The following RBM10 variants were observed in gnomAD, a reference collection of about 807,000 sequenced individuals.
The protein encoded by RBM10 is RNA-binding protein 10.
Under a neutral mutation model 84.9 loss-of-function variants are expected in RBM10, and 1 was observed. The observed-to-expected ratio is 0.01, with a 90% CI of 0.00 to 0.06. The LOEUF (loss-of-function observed/expected upper bound fraction) is 0.06, where lower values mean the gene tolerates loss of function less well. Ranked by LOEUF, RBM10 falls within the 10% of genes least tolerant of loss-of-function variation. The pLI is 1.00. For synonymous variants in RBM10, 326 were observed against 344.5 expected, an observed-to-expected ratio of 0.95 and a Z score of 0.60; for missense variants, 438 against 839.0, an observed-to-expected ratio of 0.52 and a Z score of 5.90.
intron 2 of RBM10, among the ~76,000 whole-genome samples, chrX:47,159,404 G>T (rs1171889151): frequency 1.1e-5 from 1 of 87,161 alleles, no homozygotes; most frequent in Non-Finnish European, 2.1e-5. Context: ...GCGAAACTCC[G>T]TCTCAAAAAA....
At chrX:47,165,041 AC>A (rs1556768337) in intron 2 of RBM10, among the ~76,000 whole-genome samples, 2 of 112,086 alleles carry the variant, frequency 1.8e-5, no homozygotes, top group African/African-American at 6.5e-5. Context: ...ATATGATTCC[AC>A]TACTATGAAG....
In RBM10 at chrX:47,147,503, G is replaced by GTTA. The variant is rs782804918; in HGVS notation, c.17+7_17+9dup. The GTTA allele has an allele frequency of 3.3e-6, 4 of 1,209,710 alleles. No homozygotes were observed. Among genetic ancestry groups the GTTA allele is most frequent in the Non-Finnish European group, 4.5e-6 (4 of 894,827 alleles). On this transcript the variant is annotated splice_donor_region_variant and intron_variant, in intron 2 of 23. Coordinates refer to ENST00000377604, the MANE Select transcript of RBM10 (RefSeq NM_005676.5). ...GGACATGGAGTATGAAAGACGGTGAGTTATCTGTTCTCAGCTTCCCAGACA... is the reference window on the plus strand; with the variant it reads ...GGACATGGAGTATGAAAGACGGTGAGTTATTATCTGTTCTCAGCTTCCCAGACA...
intron 2 of RBM10, among the ~76,000 whole-genome samples, chrX:47,153,097 C>T (rs1317883301): frequency 9.0e-6 from 1 of 111,558 alleles, no homozygotes; most frequent in African/African-American, 3.3e-5. Context: ...CCGCCCATCT[C>T]GGCCTCCCAA....
chrX:47,176,996 TG>T (rs1424779196), intron 7 of RBM10, among the ~76,000 whole-genome samples: 1 of 111,517 alleles, frequency 9.0e-6, no homozygotes, highest in Admixed American at 9.6e-5. Context: ...AGATCGGCCT[TG>T]ATTTTGGCCA....
At position 47,180,321 on chromosome X, in the gene RBM10, A is replaced by C. The variant is rs2147178075; in HGVS notation, c.1160+12A>C. 8.5e-7 allele frequency: 1 copy of C among 1,181,082 alleles called. No individual in the cohort carries two copies. The highest frequency in any genetic ancestry group is 1.1e-6 in the Non-Finnish European group (1 of 878,963). On this transcript the variant is annotated intron_variant, in intron 11 of 23. Coordinates refer to ENST00000377604, the MANE Select transcript of RBM10 (RefSeq NM_005676.5). ...AAGGGTTCTAAGAGGTCAGGGCCCC[A>C]CCTGTGTGCCTTCCCACCCTTCCCC...
chrX:47,159,343 G>A (rs1054012804), intron 2 of RBM10, among the ~76,000 whole-genome samples: 19 of 108,110 alleles, frequency 1.8e-4, no homozygotes, highest in Non-Finnish European at 3.1e-4. Flanking sequence ...AGGAGGTGGA[G>A]GTTGCGGTGA....
chrX:47,160,568 G>A (rs1164614633), intron 2 of RBM10, among the ~76,000 whole-genome samples: 1 of 107,645 alleles, frequency 9.3e-6, no homozygotes, highest in African/African-American at 3.4e-5. Context: ...ATGCCAGTCA[G>A]ATGGCAATTA....
At chrX:47,150,155 A>G (rs1932709010) in intron 2 of RBM10, among the ~76,000 whole-genome samples, 1 of 107,442 alleles carries the variant, frequency 9.3e-6, no homozygotes, top group Non-Finnish European at 1.9e-5. Flanking sequence ...CTGTTAATGT[A>G]TAGTGTTTTT....
rs782142154 is a variant in RBM10 at position 47,181,943 on chromosome X, C to A, written c.1694-8C>A. On this transcript the variant is annotated splice_region_variant and splice_polypyrimidine_tract_variant and intron_variant, in intron 15 of 23. Coordinates refer to ENST00000377604, the MANE Select transcript of RBM10 (RefSeq NM_005676.5). ...GAATAGTGTGACCCCGTTCCCCTCA[C>A]CCCCTAGCTGTTCCCGACGTCTCTA... The A allele has an allele frequency of 8.1e-5, 98 of 1,209,012 alleles. 1 individual carries two copies. In the Admixed American group the frequency reaches 2.0e-3, roughly 25 times the overall value.
chrX:47,161,533 T>A (rs868943596), intron 2 of RBM10, among the ~76,000 whole-genome samples: 8 of 36,670 alleles, frequency 2.2e-4, no homozygotes, highest in Non-Finnish European at 4.4e-4. Context: ...TTTTTTTTTT[T>A]AGTGAGAGAG....
chrX:47,163,604 G>A (rs1933899820), intron 2 of RBM10, among the ~76,000 whole-genome samples: 2 of 111,547 alleles, frequency 1.8e-5, no homozygotes, highest in South Asian at 7.4e-4. Flanking sequence ...ACAGGTGTGA[G>A]CCCACCACGC....
intron 2 of RBM10, among the ~76,000 whole-genome samples, chrX:47,155,661 T>G (rs1556764984): frequency 1.2e-5 from 1 of 86,756 alleles, no homozygotes; most frequent in African/African-American, 4.5e-5. Flanking sequence ...TGAACCCGGG[T>G]GGCGGAGCTT....
At chrX:47,168,441 A>G (rs1934389612) in intron 2 of RBM10, among the ~76,000 whole-genome samples, 2 of 110,947 alleles carry the variant, frequency 1.8e-5, no homozygotes, top group South Asian at 7.6e-4. Flanking sequence ...CCAACTACTC[A>G]GGAGGCTGAG....
chrX:47,163,901 C>G (rs1349392624), intron 2 of RBM10, among the ~76,000 whole-genome samples: 8 of 78,246 alleles, frequency 1.0e-4, no homozygotes, highest in African/African-American at 4.4e-4. Context: ...CGGAGTCTCA[C>G]TCTGTCGCCC....
intron 18 of RBM10, 42 bp downstream of exon 18, chrX:47,185,246 G>A (rs782582220): frequency 1.7e-6 from 2 of 1,212,034 alleles, no homozygotes; most frequent in Non-Finnish European, 2.2e-6. Context: ...CCACAATCTT[G>A]TCCTTCCTTT....
intron 2 of RBM10, chrX:47,156,596 C>T (rs782052832): frequency 2.0e-4 from 26 of 127,776 alleles, no homozygotes; most frequent in Non-Finnish European, 3.7e-4. Context: ...GCTAGCCCAG[C>T]GGGTATTCCC....
chrX:47,176,983 C>G (rs73630261), intron 7 of RBM10, among the ~76,000 whole-genome samples: 3,567 of 111,335 alleles, frequency 0.032, 161 homozygotes, highest in African/African-American at 0.11. Context: ...ATGAGACTAT[C>G]CCAGATCGGC....
chrX:47,151,422 T>C (rs1932791405), intron 2 of RBM10, among the ~76,000 whole-genome samples: 2 of 112,226 alleles, frequency 1.8e-5, no homozygotes, highest in Admixed American at 9.6e-5. Context: ...TTTCTAATAC[T>C]TCATTGTTGA....
chrX:47,161,576 G>A (rs1355961228), intron 2 of RBM10, among the ~76,000 whole-genome samples: 2 of 85,645 alleles, frequency 2.3e-5, no homozygotes, highest in Non-Finnish European at 2.1e-5. Context: ...TGGCTTTGTC[G>A]CCCAGGTGCA....
Sources: allele counts gnomAD v4.1 joint callset (sites outside exome capture counted in the v4.1 genomes callset), GRCh38; gene constraint gnomAD v4.1.1; transcripts MANE v1.5; gene names NCBI Gene and HGNC (gene_info 2026-07-23, HGNC 2026-07-21).